NAP1L4: variants seen among roughly 807,000 people sequenced by gnomAD.
NAP1L4 encodes the protein nucleosome assembly protein 1 like 4.
Under a neutral mutation model 58.2 loss-of-function variants are expected in NAP1L4, and 15 were observed. The observed-to-expected ratio is 0.26, with a 90% CI of 0.17 to 0.40. The LOEUF is 0.40. NAP1L4 is among the 10% of genes least tolerant of loss of function. The pLI, the probability that NAP1L4 is intolerant of heterozygous loss-of-function variation, is 1.00. For missense variants in NAP1L4, 384 were observed against 451.1 expected (o/e 0.85, Z 1.35); for synonymous variants, 171 against 155.6 (o/e 1.10, Z -0.74).
In NAP1L4 at chr11:2,945,402, T is replaced by C; in HGVS notation, c.*277A>G. On this transcript the variant is annotated 3_prime_UTR_variant, in exon 16 of 16. Coordinates refer to ENST00000380542, the MANE Select transcript of NAP1L4 (RefSeq NM_005969.4). The stretch of plus-strand genomic sequence containing the variant: ...GCAGAGGGTGCTGGACGAAACCTCC[T>C]ATTTCTGAAATGCATTTCAGTTGCC... The C allele has an allele frequency of 1.8e-6, 1 of 568,946 alleles. No individual in the cohort carries two copies. Among genetic ancestry groups the C allele is most frequent in the Non-Finnish European group, 3.1e-6 (1 of 321,072 alleles). The allele number at this position is 568,946 out of a possible 1,614,324, so 35.2% of individuals were successfully genotyped here.
intron 10 of NAP1L4, among the ~76,000 whole-genome samples, chr11:2,957,412 A>G (rs1846607840): frequency 6.6e-6 from 1 of 152,252 alleles, no homozygotes; most frequent in South Asian, 2.1e-4. Flanking sequence ...GGGCAGCTTG[A>G]TAAATAAGGG....
intron 8 of NAP1L4, chr11:2,963,765 T>C (rs779855378): frequency 9.6e-6 from 5 of 519,188 alleles, no homozygotes; most frequent in African/African-American, 3.8e-5. Flanking sequence ...CAGCCCGTCA[T>C]GCAGCATTTG....
At chr11:2,961,846 T>TAG (rs1564978720) in intron 8 of NAP1L4, among the ~76,000 whole-genome samples, 1 of 152,220 alleles carries the variant, frequency 6.6e-6, no homozygotes, top group East Asian at 1.9e-4. Flanking sequence ...TTTCTATAGA[T>TAG]AGATTCATGT....
chr11:2,983,796 C>T (rs181003834), intron 1 of NAP1L4: 68 of 152,136 alleles, frequency 4.5e-4, no homozygotes, highest in Middle Eastern at 3.4e-3. Context: ...GCCTGGGCAA[C>T]ATGGGGAAAC....
In NAP1L4 at chr11:2,955,277, ACCT is replaced by A. The variant is rs1419573486; in HGVS notation, c.915+464_915+466del. Among the ~76,000 whole-genome samples, 2 of 151,742 alleles carry A rather than the reference ACCT, an allele frequency of 1.3e-5. No individual in the cohort carries two copies. The highest frequency in any genetic ancestry group is 2.9e-5 in the Non-Finnish European group (2 of 67,950). On this transcript the variant is annotated intron_variant, in intron 11 of 15. Coordinates refer to ENST00000380542, the MANE Select transcript of NAP1L4 (RefSeq NM_005969.4). The surrounding 1 kb of genome is among the most constrained non-coding windows in gnomAD (Gnocchi z 4.2). Reference sequence around the variant, plus strand: ...GGTGGTGCAATCTCAGCTCACTGCAACCTCCTCCTCTCGGGTTCAAGTGATTCT... The same window carrying A: ...GGTGGTGCAATCTCAGCTCACTGCAACCTCCTCTCGGGTTCAAGTGATTCT...
At chr11:2,985,314 T>G (rs914017012) in intron 1 of NAP1L4, among the ~76,000 whole-genome samples, 1 of 152,244 alleles carries the variant, frequency 6.6e-6, no homozygotes, top group Non-Finnish European at 1.5e-5. Context: ...CACCACAAAT[T>G]ATTTTTGTTT....
At position 2,969,802 on chromosome 11, in the gene NAP1L4, C is replaced by A; in HGVS notation, c.534+1G>T. On this transcript the variant is annotated splice_donor_variant, in intron 7 of 15. Coordinates refer to ENST00000380542, the MANE Select transcript of NAP1L4 (RefSeq NM_005969.4). LOFTEE classifies it high-confidence loss of function. ...TCTCTACAAGACAGAAGTGTGCTTA[C>A]CTGGACTAATTCACTCAGCATGTCC... The A allele has an allele frequency of 6.2e-7, 1 of 1,610,298 alleles. No homozygotes were observed. Among genetic ancestry groups the A allele is most frequent in the Non-Finnish European group, 8.5e-7 (1 of 1,178,444 alleles).
In NAP1L4 at chr11:2,971,001, A is replaced by G. The variant is rs777698554; in HGVS notation, c.402+447T>C. ...GACCAGTCACTAGAAAAAGGCTGTGAGCAGGTGACTGATGGCCACACCACA... is the reference window on the plus strand; with the variant it reads ...GACCAGTCACTAGAAAAAGGCTGTGGGCAGGTGACTGATGGCCACACCACA... On this transcript the variant is annotated intron_variant, in intron 6 of 15. Transcript: ENST00000380542. The surrounding 1 kb of genome is among the most constrained non-coding windows in gnomAD (Gnocchi z 4.2). Among the ~76,000 whole-genome samples, 4 of 152,304 alleles carry G rather than the reference A, an allele frequency of 2.6e-5. No homozygotes were observed. The highest frequency in any genetic ancestry group is 4.4e-5 in the Non-Finnish European group (3 of 68,034).
At chr11:2,953,165 T>C (rs574517712) in intron 12 of NAP1L4, among the ~76,000 whole-genome samples, 3 of 152,304 alleles carry the variant, frequency 2.0e-5, no homozygotes, top group Admixed American at 2.0e-4. Flanking sequence ...CTGACACTGC[T>C]CATCAGTAGT....
chr11:2,949,238 T>C lies in NAP1L4; in HGVS notation c.*21A>G, dbSNP rs758933616. 3.8e-6 allele frequency: 6 copies of C among 1,597,808 alleles called. No individual in the cohort carries two copies. Among genetic ancestry groups the C allele is most frequent in the South Asian group, 1.1e-5 (1 of 90,682 alleles). On this transcript the variant is annotated 3_prime_UTR_variant, in exon 15 of 16. Transcript: ENST00000380542. The surrounding 1 kb of genome is among the most constrained non-coding windows in gnomAD (Gnocchi z 4.0). ...GAATTCCACCTTACCTAGAAACGTA[T>C]GAATGATTAACAGACAAAAATTACA...
At chr11:2,982,123 G>C (rs999127185) in intron 1 of NAP1L4, among the ~76,000 whole-genome samples, 2 of 152,126 alleles carry the variant, frequency 1.3e-5, no homozygotes, top group African/African-American at 4.8e-5. Context: ...CTTTGATAAT[G>C]TCTCTATGAA....
intron 1 of NAP1L4, chr11:2,988,110 T>G (rs1041143639): frequency 6.6e-6 from 1 of 152,220 alleles, no homozygotes; most frequent in Non-Finnish European, 1.5e-5. Context: ...CTTCAGAGAC[T>G]TCTGCGGTGC....
chr11:2,954,510 T>C lies in NAP1L4; in HGVS notation c.1035+17A>G. 6 of 1,613,374 alleles carry C rather than the reference T, an allele frequency of 3.7e-6. No homozygotes were observed. Among genetic ancestry groups the C allele is most frequent in the Non-Finnish European group, 5.1e-6 (6 of 1,179,344 alleles). On this transcript the variant is annotated intron_variant, in intron 12 of 15. Transcript: ENST00000380542. This position sits in a 1 kb window ranked among gnomAD's most constrained non-coding sequence, Gnocchi z 4.8. ...ATAAGCACCCAGGTGGAAGCCCCCC[T>C]TCCCCGAGCCTCATACATTGTCATC...
chr11:2,984,548 G>A (rs1335083912), intron 1 of NAP1L4, among the ~76,000 whole-genome samples: 1 of 152,176 alleles, frequency 6.6e-6, no homozygotes, highest in Non-Finnish European at 1.5e-5. Flanking sequence ...TCCAGCCTGG[G>A]CAACAAGAGC....
At chr11:2,964,107 T>C (rs1348586795) in intron 8 of NAP1L4, among the ~76,000 whole-genome samples, 4 of 152,176 alleles carry the variant, frequency 2.6e-5, no homozygotes. Flanking sequence ...AGGAAAACAT[T>C]TTTCAGTCTT....
At position 2,944,675 on chromosome 11, in the gene NAP1L4, C is replaced by G. The variant is rs929204906; in HGVS notation, c.*1004G>C. 1 of 152,248 alleles carries G rather than the reference C, an allele frequency of 6.6e-6. No individual in the cohort carries two copies. The highest frequency in any genetic ancestry group is 2.4e-5 in the African/African-American group (1 of 41,460). 9.4% of individuals were successfully genotyped at this position (152,248 alleles called of 1,614,324 possible). On this transcript the variant is annotated 3_prime_UTR_variant, in exon 16 of 16. Coordinates refer to ENST00000380542, the MANE Select transcript of NAP1L4 (RefSeq NM_005969.4). ...TCAGACAGGATGAATGGTGGGGCCC[C>G]GCAATGGGGCTACTGAGAAAGCAGG...
At position 2,945,441 on chromosome 11, in the gene NAP1L4, AG is replaced by A; in HGVS notation, c.*237del. 2 of 656,342 alleles carry A rather than the reference AG, an allele frequency of 3.0e-6. No individual in the cohort carries two copies. The highest frequency in any genetic ancestry group is 5.1e-6 in the Non-Finnish European group (2 of 389,848). 40.7% of individuals were successfully genotyped at this position (656,342 alleles called of 1,614,324 possible). A position where few individuals can be genotyped will look rare whatever the true frequency, so the allele number is the denominator to read the frequency against. On this transcript the variant is annotated 3_prime_UTR_variant, in exon 16 of 16. Coordinates refer to ENST00000380542, the MANE Select transcript of NAP1L4 (RefSeq NM_005969.4). ...ATTTCAGTTGCCACTGTACAAGTTA[AG>A]CAAAATAATAAGGAAAAAGGAAAAG...
At position 2,948,071 on chromosome 11, in the gene NAP1L4, G is replaced by A. The variant is rs1362379423; in HGVS notation, c.*32+1156C>T. ...GGCATGGGAGGGGTGGCGTGGGAGA[G>A]TGGGTGAGGGTACAGGTGGAATAAG... On this transcript the variant is annotated intron_variant, in intron 15 of 15. Transcript: ENST00000380542. This position sits in a 1 kb window ranked among gnomAD's most constrained non-coding sequence, Gnocchi z 5.1. 6.7e-6 allele frequency among the ~76,000 whole-genome samples: 1 copy of A among 148,976 alleles called. No homozygotes were observed. The highest frequency in any genetic ancestry group is 6.7e-5 in the Admixed American group (1 of 14,860).
chr11:2,963,131 A>G (rs978256105), intron 8 of NAP1L4, among the ~76,000 whole-genome samples: 7 of 149,678 alleles, frequency 4.7e-5, no homozygotes, highest in African/African-American at 1.7e-4. Flanking sequence ...AAGAAAAAAA[A>G]GGAAGAAAAG....
Sources: gnomAD v4.1 joint callset for allele counts (sites outside exome capture counted in the v4.1 genomes callset) on GRCh38, gnomAD v4.1.1 for gene constraint, Gnocchi (gnomAD v3.1) non-coding constraint, MANE v1.5 for transcripts, NCBI Gene and HGNC (gene_info 2026-07-23, HGNC 2026-07-21) for gene names.